ZNF620: variants seen among roughly 807,000 people sequenced by gnomAD.
The protein encoded by ZNF620 is zinc finger protein 620.
ZNF620 carries 10 observed loss-of-function variants against 13.3 expected under a neutral mutation model. The observed-to-expected ratio is 0.75, with a 90% CI of 0.46 to 1.28. ZNF620 has a LOEUF of 1.28. ZNF620 is among the 50% of genes most tolerant of loss of function. The pLI, the probability that ZNF620 is intolerant of heterozygous loss-of-function variation, is 0.00. For synonymous variants in ZNF620, 166 were observed against 177.6 expected (o/e 0.93, Z 0.52); for missense variants, 461 against 500.2 (o/e 0.92, Z 0.75).
chr3:40,509,331 A>C (rs1451796066), intron 2 of ZNF620, among the ~76,000 whole-genome samples: 3 of 151,922 alleles, frequency 2.0e-5, no homozygotes, highest in Admixed American at 2.0e-4. Flanking sequence ...TTCTGGGTTC[A>C]AGCGATTCTT....
In ZNF620 at chr3:40,515,846, T is replaced by G. The variant is rs1292133867; in HGVS notation, c.266-14T>G. ...ATATCAGGGACTGACATTTGTATTT[T>G]CTTTTTGTGATAGGGGATGAGGCCA... is the stretch of plus-strand genomic sequence containing the variant. On this transcript the variant is annotated splice_polypyrimidine_tract_variant and intron_variant, in intron 4 of 4. Coordinates refer to ENST00000314529, the MANE Select transcript of ZNF620 (RefSeq NM_175888.4). 1 of 1,587,954 alleles carries G rather than the reference T, an allele frequency of 6.3e-7. No individual in the cohort carries two copies. The highest frequency in any genetic ancestry group is 1.8e-5 in the Admixed American group (1 of 56,690).
chr3:40,512,207 T>C (rs768763434), intron 3 of ZNF620, among the ~76,000 whole-genome samples, 195 bp from the exon 4 acceptor site: 5 of 152,218 alleles, frequency 3.3e-5, no homozygotes, highest in African/African-American at 4.8e-5. Flanking sequence ...GATTCCCTTA[T>C]GTGAGCGTGG....
At chr3:40,508,082 T>A (rs1219672024) in intron 2 of ZNF620, among the ~76,000 whole-genome samples, 1 of 152,210 alleles carries the variant, frequency 6.6e-6, no homozygotes, top group African/African-American at 2.4e-5. Flanking sequence ...ATGATTTGTG[T>A]ATTCTCTCTT....
intron 2 of ZNF620, among the ~76,000 whole-genome samples, chr3:40,507,829 T>C (rs1698075498): frequency 6.6e-6 from 1 of 152,164 alleles, no homozygotes; most frequent in African/African-American, 2.4e-5. Flanking sequence ...AACGGTTTTC[T>C]CTATGTTGCC....
At chr3:40,512,150 C>T (rs931369774) in intron 3 of ZNF620, among the ~76,000 whole-genome samples, 1 of 152,194 alleles carries the variant, frequency 6.6e-6, no homozygotes, top group African/African-American at 2.4e-5. Flanking sequence ...CTCTTGGGAG[C>T]ACAGCAAAGC....
chr3:40,506,233 G>T, intron 1 of ZNF620, 71 bp from the exon 2 acceptor site: 1 of 1,311,276 alleles, frequency 7.6e-7, no homozygotes, highest in East Asian at 2.4e-5. Flanking sequence ...AGGGGCCCAA[G>T]TAGCACAGAG....
intron 4 of ZNF620, among the ~76,000 whole-genome samples, chr3:40,515,085 A>C (rs1299468196): frequency 6.6e-6 from 1 of 152,230 alleles, no homozygotes; most frequent in African/African-American, 2.4e-5. Context: ...TGAGTTTAGT[A>C]GTTCACTTTT....
chr3:40,508,818 AG>A, intron 2 of ZNF620: 1 of 456,248 alleles, frequency 2.2e-6, no homozygotes, highest in Non-Finnish European at 4.4e-6. Flanking sequence ...CCTAGAGACA[AG>A]GTTGCCTAGG....
At position 40,511,592 on chromosome 3, in the gene ZNF620, C is replaced by T; in HGVS notation, c.147C>T (p.Ser49=). 6.2e-7 allele frequency: 1 copy of T among 1,613,042 alleles called. No individual in the cohort carries two copies. The part of the protein sequence containing the change: ...VMLENYANVA[S]LAFPFTTPVL... ...TGGAGAATTATGCAAATGTGGCTTC[C>T]CTGGGTAAGACATTTCTTCTTGTTT... Residue 49 remains serine, a synonymous_variant, in exon 3 of 5, where the codon TCC becomes TCT. Transcript: ENST00000314529.
intron 2 of ZNF620, among the ~76,000 whole-genome samples, chr3:40,509,609 C>T (rs1026160613): frequency 7.2e-5 from 11 of 152,104 alleles, no homozygotes; most frequent in Admixed American, 6.6e-4. Flanking sequence ...CCAAATGATC[C>T]TTTCTCTGGC....
chr3:40,506,187 C>G, intron 1 of ZNF620, 49 bp downstream of exon 1: 1 of 846,314 alleles, frequency 1.2e-6, no homozygotes, highest in South Asian at 1.4e-5. Flanking sequence ...TTTGCAACCC[C>G]TTTGCTTTTT....
Position 40,518,117 on chromosome 3 carries a change from T to A in ZNF620, c.*1254T>A, listed in dbSNP as rs1290954219. 1 of 152,274 alleles carries A rather than the reference T, an allele frequency of 6.6e-6. No individual in the cohort carries two copies. The highest frequency in any genetic ancestry group is 6.5e-5 in the Admixed American group (1 of 15,286). 9.4% of individuals were successfully genotyped at this position (152,274 alleles called of 1,614,324 possible). A position where few individuals can be genotyped will look rare whatever the true frequency, so the allele number is the denominator to read the frequency against. ...TTTTCTTGCAATTCCATCTAGTTAT[T>A]TTTTATGATCATGGAAGAACCTACC... On this transcript the variant is annotated 3_prime_UTR_variant, in exon 5 of 5. Coordinates refer to ENST00000314529, the MANE Select transcript of ZNF620 (RefSeq NM_175888.4).
Position 40,516,993 on chromosome 3 carries a change from G to T in ZNF620, c.*130G>T. On this transcript the variant is annotated 3_prime_UTR_variant, in exon 5 of 5. Transcript: ENST00000314529. ...TCATGAACTCTTCTTTAAGTTTTTT[G>T]AACCTGTTTCCCCAACATGAAGTCT... 1 of 1,031,124 alleles carries T rather than the reference G, an allele frequency of 9.7e-7. No individual in the cohort carries two copies. Among genetic ancestry groups the T allele is most frequent in the Non-Finnish European group, 1.4e-6 (1 of 730,984 alleles). The allele number at this position is 1,031,124 out of a possible 1,614,324, so 63.9% of individuals were successfully genotyped here.
At chr3:40,511,843 G>A (rs1009994973) in intron 3 of ZNF620, among the ~76,000 whole-genome samples, 3 of 151,832 alleles carry the variant, frequency 2.0e-5, no homozygotes, top group Admixed American at 6.6e-5. Context: ...CACCACACCC[G>A]GCTAATTATT....
chr3:40,510,692 C>T (rs989247422), intron 2 of ZNF620, among the ~76,000 whole-genome samples: 3 of 152,180 alleles, frequency 2.0e-5, no homozygotes, highest in Non-Finnish European at 4.4e-5. Context: ...AGTTATCATT[C>T]ATTCTCTTTC....
intron 3 of ZNF620, 130 bp downstream of exon 3, chr3:40,511,726 G>A (rs1467468766): frequency 8.1e-7 from 1 of 1,228,628 alleles, no homozygotes; most frequent in Non-Finnish European, 1.1e-6. Flanking sequence ...CTGTCGCCCA[G>A]GCTGGAGTGC....
At position 40,512,497 on chromosome 3, in the gene ZNF620, C is replaced by G. The variant is rs577692476; in HGVS notation, c.247C>G (p.Leu83Val). ...CTGGGAACCTATGGGCAGGGAGGCT[C>G]TCAGAGGTATCTGTCCAGGTGAGCA... ...DPWEPMGREA[L>V]RGICPGDEAR... The change falls in exon 4 of 5, where the codon CTC becomes GTC. Residue 83 changes from leucine (L) to valine (V), a missense_variant. Transcript: ENST00000314529. 1.2e-6 allele frequency: 2 copies of G among 1,613,302 alleles called. No homozygotes were observed. Among genetic ancestry groups the G allele is most frequent in the South Asian group, 1.1e-5 (1 of 90,936 alleles).
intron 2 of ZNF620, chr3:40,508,630 C>CTTT: frequency 3.0e-5 from 10 of 332,750 alleles, no homozygotes; most frequent in South Asian, 9.4e-5. Context: ...GCCACTGCAG[C>CTTT]TTTTTTTTTT....
At chr3:40,507,247 A>G (rs966556189) in intron 2 of ZNF620, among the ~76,000 whole-genome samples, 3 of 151,948 alleles carry the variant, frequency 2.0e-5, no homozygotes, top group African/African-American at 7.3e-5. Context: ...ACGCGCCACC[A>G]CACCCAGCTA....
Sources: allele counts gnomAD v4.1 joint callset (sites outside exome capture counted in the v4.1 genomes callset), GRCh38; gene constraint gnomAD v4.1.1; transcripts MANE v1.5; gene names NCBI Gene and HGNC (gene_info 2026-07-23, HGNC 2026-07-21).